The following TMEM132D variants were observed in gnomAD, a reference collection of about 807,000 sequenced individuals.
The protein encoded by TMEM132D is transmembrane protein 132D.
Under a neutral mutation model 62.3 loss-of-function variants are expected in TMEM132D, and 21 were observed. That is an observed-to-expected ratio of 0.34 (90% CI 0.24 to 0.49). The LOEUF is 0.49. Ranked by LOEUF, TMEM132D falls within the 20% of genes least tolerant of loss-of-function variation. The pLI, the probability that TMEM132D is intolerant of heterozygous loss-of-function variation, is 0.99. For synonymous variants in TMEM132D, 621 were observed against 575.6 expected, an observed-to-expected ratio of 1.08 and a Z score of -1.13; for missense variants, 1,346 against 1,402.8, an observed-to-expected ratio of 0.96 and a Z score of 0.65.
chr12:129,119,376 G>A (rs1444627935), intron 5 of TMEM132D, among the ~76,000 whole-genome samples: 1 of 152,182 alleles, frequency 6.6e-6, no homozygotes, highest in African/African-American at 2.4e-5. Context: ...ATCAACCTGG[G>A]TGTCCACCAG....
At chr12:129,828,763 GGAGGGAGGGAGGAAGA>G (rs1182902547) in intron 1 of TMEM132D, among the ~76,000 whole-genome samples, 10 of 114,636 alleles carry the variant, frequency 8.7e-5, no homozygotes, top group Non-Finnish European at 1.3e-4. Context: ...AGGAAAGGAG[GGAGGGAGGGAGGAAGA>G]AAAGGAGGGA....
intron 2 of TMEM132D, among the ~76,000 whole-genome samples, chr12:129,600,422 C>T (rs1878454787): frequency 6.6e-6 from 1 of 152,206 alleles, no homozygotes. Flanking sequence ...GGTTCTTCCA[C>T]ACTCCTGTTC....
chr12:129,299,601 A>G (rs894518954), intron 4 of TMEM132D, among the ~76,000 whole-genome samples: 5 of 150,518 alleles, frequency 3.3e-5, no homozygotes, highest in Non-Finnish European at 7.4e-5. Context: ...CCCACCTCTC[A>G]TCAAACTGGA....
At chr12:129,362,565 T>C (rs1168964440) in intron 3 of TMEM132D, among the ~76,000 whole-genome samples, 3 of 152,004 alleles carry the variant, frequency 2.0e-5, no homozygotes, top group Non-Finnish European at 2.9e-5. Context: ...TGAAGATATA[T>C]TTTATTTTTA....
At chr12:129,353,742 A>C (rs1488608060) in intron 3 of TMEM132D, among the ~76,000 whole-genome samples, 3 of 152,126 alleles carry the variant, frequency 2.0e-5, no homozygotes. Context: ...AGCACGGGTA[A>C]ACCAAACATC....
chr12:129,691,956 A>G (rs533137730), intron 2 of TMEM132D, among the ~76,000 whole-genome samples: 27 of 152,096 alleles, frequency 1.8e-4, no homozygotes, highest in African/African-American at 6.5e-4. Flanking sequence ...AAGAAGAGTA[A>G]ATTATTAACT....
chr12:129,783,810 G>GT (rs1871185721), intron 1 of TMEM132D, among the ~76,000 whole-genome samples: 2 of 152,364 alleles, frequency 1.3e-5, no homozygotes, highest in African/African-American at 4.8e-5. Flanking sequence ...CTTGCTCGCT[G>GT]TAAGTTGTGT....
chr12:129,162,221 A>C (rs1175431296), intron 5 of TMEM132D, among the ~76,000 whole-genome samples: 1 of 152,050 alleles, frequency 6.6e-6, no homozygotes, highest in African/African-American at 2.4e-5. Context: ...AAATAAAAGA[A>C]AGGCCTCTGA....
intron 3 of TMEM132D, among the ~76,000 whole-genome samples, chr12:129,398,812 C>G (rs1352114970): frequency 6.6e-6 from 1 of 151,076 alleles, no homozygotes; most frequent in Non-Finnish European, 1.5e-5. Flanking sequence ...ACTTCTTAGA[C>G]AATGCATATC....
rs573667494 is a variant in TMEM132D at position 129,441,954 on chromosome 12, T to C, written c.1115+89105A>G. ...CACTGGGTACTCATGGACATAAAGA[T>C]GGCAACAGTCGGCCTGGAGGCTACT... On this transcript the variant is annotated intron_variant, in intron 3 of 8. Transcript: ENST00000422113. Among the ~76,000 whole-genome samples, 93 of 152,188 alleles carry C rather than the reference T, an allele frequency of 6.1e-4. 1 individual carries two copies. The highest frequency in any genetic ancestry group is 1.7e-3 in the South Asian group (8 of 4,810).
intron 4 of TMEM132D, among the ~76,000 whole-genome samples, chr12:129,335,916 T>C (rs2135655654): frequency 6.6e-6 from 1 of 152,350 alleles, no homozygotes; most frequent in East Asian, 1.9e-4. Flanking sequence ...GTTTGAACTT[T>C]GGCCTTTTTA....
chr12:129,407,993 C>T (rs1871847802), intron 3 of TMEM132D, among the ~76,000 whole-genome samples: 10 of 152,106 alleles, frequency 6.6e-5, no homozygotes. Context: ...CTAACTTCAC[C>T]CCACCTCCTT....
chr12:129,714,654 A>G (rs997442196), intron 1 of TMEM132D, among the ~76,000 whole-genome samples: 7 of 152,244 alleles, frequency 4.6e-5, no homozygotes, highest in Non-Finnish European at 1.0e-4. Flanking sequence ...TTCACAGTGT[A>G]TATGCATACT....
At chr12:129,335,980 G>T (rs77468240) in intron 4 of TMEM132D, among the ~76,000 whole-genome samples, 33 of 152,188 alleles carry the variant, frequency 2.2e-4, no homozygotes, top group African/African-American at 7.5e-4. Flanking sequence ...CAGCAGCTAT[G>T]TTGGACCATG....
intron 4 of TMEM132D, among the ~76,000 whole-genome samples, chr12:129,278,369 A>T (rs1881052596): frequency 6.6e-6 from 1 of 151,812 alleles, no homozygotes; most frequent in African/African-American, 2.4e-5. Flanking sequence ...TCATGCTGTT[A>T]TGTAGCTGCT....
chr12:129,813,370 T>C (rs915979503), intron 1 of TMEM132D, among the ~76,000 whole-genome samples: 4 of 151,730 alleles, frequency 2.6e-5, no homozygotes, highest in African/African-American at 9.7e-5. Context: ...ACACCCTTCA[T>C]TGGCTTCCCA....
rs185794199 is a variant in TMEM132D, at chr12:129,240,121, C to T, written c.1300-30458G>A. Among the ~76,000 whole-genome samples, 76 of 152,212 alleles carry T rather than the reference C, an allele frequency of 5.0e-4. No homozygotes were observed. The East Asian group carries it at 0.012, about 24-fold the overall frequency. ...TATTGTAGAACACTTGGAAAATATA[C>T]GCAAGCATAAAGAATAAAACAGCAA... On this transcript the variant is annotated intron_variant, in intron 4 of 8. Coordinates refer to ENST00000422113, the MANE Select transcript of TMEM132D (RefSeq NM_133448.3).
intron 3 of TMEM132D, among the ~76,000 whole-genome samples, chr12:129,409,075 C>T (rs553340626): frequency 2.8e-4 from 43 of 152,036 alleles, no homozygotes; most frequent in African/African-American, 6.5e-4. Flanking sequence ...TGGGATTACA[C>T]GCACCCACCA....
rs1873932803 is a variant in TMEM132D at position 129,862,541 on chromosome 12, T to C, written c.79+40720A>G. ...CTCTGAACTTTCCATTTCCAATAGG[T>C]TCAGACTAATTCACGGCAGCCATGG... is the stretch of plus-strand genomic sequence containing the variant. On this transcript the variant is annotated intron_variant, in intron 1 of 8. Coordinates refer to ENST00000422113, the MANE Select transcript of TMEM132D (RefSeq NM_133448.3). 2.0e-5 allele frequency among the ~76,000 whole-genome samples: 3 copies of C among 152,292 alleles called. No homozygotes were observed. The South Asian group carries it at 6.2e-4, about 32-fold the overall frequency.
Sources: allele counts gnomAD v4.1 joint callset (sites outside exome capture counted in the v4.1 genomes callset), GRCh38; gene constraint gnomAD v4.1.1; transcripts MANE v1.5; gene names NCBI Gene and HGNC (gene_info 2026-07-23, HGNC 2026-07-21).